PCDHAC1: variants seen among roughly 807,000 people sequenced by gnomAD.
PCDHAC1 encodes the protein protocadherin alpha-C1.
In PCDHAC1, 42 loss-of-function variants were observed where a neutral mutation model predicts 60.0. That is an observed-to-expected ratio of 0.70 (90% CI 0.55 to 0.90). The LOEUF (loss-of-function observed/expected upper bound fraction) is 0.90, where lower values mean the gene tolerates loss of function less well. Among genes scored for constraint, PCDHAC1 ranks in the 40% least tolerant of loss-of-function variants. PCDHAC1 has a pLI of 0.00. For synonymous variants in PCDHAC1, 468 were observed against 499.3 expected, an observed-to-expected ratio of 0.94 and a Z score of 0.84; for missense variants, 1,160 against 1,222.3, an observed-to-expected ratio of 0.95 and a Z score of 0.76.
chr5:140,975,216 G>C (rs1349439819), intron 1 of PCDHAC1, among the ~76,000 whole-genome samples: 1 of 152,198 alleles, frequency 6.6e-6, no homozygotes, highest in Admixed American at 6.5e-5. Flanking sequence ...TGGCACTGGA[G>C]AATCTTCCCT....
chr5:140,969,238 A>G, intron 1 of PCDHAC1: 3 of 1,614,222 alleles, frequency 1.9e-6, no homozygotes, highest in South Asian at 1.1e-5. Flanking sequence ...GAGCCCAAGC[A>G]GCAGTGACTG....
rs2085746479 is a variant in PCDHAC1, at chr5:140,929,033, G to A, written c.2141G>A (p.Cys714Tyr). The change falls in exon 1 of 4, where the codon TGC becomes TAC. Residue 714 changes from cysteine (C) to tyrosine (Y), a missense_variant. Around this residue, in one of 3 missense-constraint regions of PCDHAC1, gnomAD observed 1,113 missense variants for 1,163.7 expected, o/e 0.96. Coordinates refer to ENST00000253807, the MANE Select transcript of PCDHAC1 (RefSeq NM_018898.5). ...CTKLHQSPGC[C>Y]AQSCCRSTED... is the part of the protein sequence containing the mutation. ...AAGTTGCACCAGAGCCCAGGCTGTT[G>A]CGCTCAGAGCTGCTGTCGCTCTACA... The A allele has an allele frequency of 6.2e-7, 1 of 1,614,186 alleles. No individual in the cohort carries two copies. The highest frequency in any genetic ancestry group is 8.5e-7 in the Non-Finnish European group (1 of 1,180,038).
chr5:140,959,107 C>A (rs1330357931), intron 1 of PCDHAC1, among the ~76,000 whole-genome samples: 1 of 151,920 alleles, frequency 6.6e-6, no homozygotes, highest in South Asian at 2.1e-4. Context: ...CAGCAGGGGT[C>A]CGAAGGTGGG....
intron 1 of PCDHAC1, among the ~76,000 whole-genome samples, chr5:140,941,034 G>A (rs1384147296): frequency 6.6e-6 from 1 of 151,968 alleles, no homozygotes; most frequent in Non-Finnish European, 1.5e-5. Context: ...GGCCTTTTTG[G>A]TGCCAAGTCA....
chr5:141,004,697 T>A (rs2098177211), intron 3 of PCDHAC1, among the ~76,000 whole-genome samples: 3 of 152,184 alleles, frequency 2.0e-5, no homozygotes, highest in Admixed American at 2.0e-4. Flanking sequence ...AAACCCAGTT[T>A]TAGGTGCCGA....
chr5:141,005,451 C>G (rs1263058026), intron 3 of PCDHAC1, among the ~76,000 whole-genome samples: 1 of 151,986 alleles, frequency 6.6e-6, no homozygotes, highest in Non-Finnish European at 1.5e-5. Flanking sequence ...CGCCTGTAAT[C>G]CCAGCACTTT....
intron 3 of PCDHAC1, among the ~76,000 whole-genome samples, chr5:140,988,281 A>G (rs2097291171): frequency 2.0e-5 from 3 of 152,202 alleles, no homozygotes; most frequent in Admixed American, 2.0e-4. Context: ...GTCACCTGCC[A>G]TCTGACAGCC....
chr5:140,990,172 TGA>T (rs1341832599), intron 3 of PCDHAC1, among the ~76,000 whole-genome samples: 1 of 152,022 alleles, frequency 6.6e-6, no homozygotes, highest in Non-Finnish European at 1.5e-5. Context: ...TATGAAAAGG[TGA>T]CTTTTAAGAA....
chr5:140,984,168 A>C (rs1181991691), intron 3 of PCDHAC1, among the ~76,000 whole-genome samples: 1 of 152,204 alleles, frequency 6.6e-6, no homozygotes, highest in Non-Finnish European at 1.5e-5. Context: ...TTCCCAAAGA[A>C]GCCACGTGAA....
At position 140,978,952 on chromosome 5, in the gene PCDHAC1, C is replaced by T. The variant is rs374951627; in HGVS notation, c.2437C>T (p.Arg813Ter). Residue 813 changes from arginine (R) to a stop codon, truncating the protein, a stop_gained, in exon 2 of 4, where the codon CGA (arginine) becomes TGA (stop). Coordinates refer to ENST00000253807, the MANE Select transcript of PCDHAC1 (RefSeq NM_018898.5). LOFTEE classifies it high-confidence loss of function. ...GDHANVNAMP[R>*]QPNPDWRYSA... ...AACTCTCTTTGTGATTTTGCAGCCA[C>T]GACAGCCCAACCCTGACTGGCGTTA... is the stretch of plus-strand genomic sequence containing the variant. 5.0e-6 allele frequency: 8 copies of T among 1,614,018 alleles called. No individual in the cohort carries two copies. The highest frequency in any genetic ancestry group is 2.2e-5 in the South Asian group (2 of 91,070).
At chr5:140,931,044 CT>C (rs781930381) in intron 1 of PCDHAC1, among the ~76,000 whole-genome samples, 67 of 152,264 alleles carry the variant, frequency 4.4e-4, no homozygotes, top group South Asian at 2.7e-3. Flanking sequence ...GCAAGAAAAA[CT>C]TCAATGCTGT....
intron 1 of PCDHAC1, among the ~76,000 whole-genome samples, chr5:140,955,497 A>T (rs879951352): frequency 2.0e-5 from 3 of 152,100 alleles, no homozygotes; most frequent in Non-Finnish European, 4.4e-5. Flanking sequence ...CCACCATGTG[A>T]AGAAAGACGT....
chr5:140,947,131 G>A (rs994081159), intron 1 of PCDHAC1, among the ~76,000 whole-genome samples: 10 of 151,080 alleles, frequency 6.6e-5, no homozygotes, highest in African/African-American at 2.2e-4. Context: ...AATAAAAATA[G>A]TAAAATGTAT....
chr5:141,007,084 AAG>A lies in PCDHAC1; in HGVS notation c.2582-2538_2582-2537del, dbSNP rs576927752. On this transcript the variant is annotated intron_variant, in intron 3 of 3. Transcript: ENST00000253807. ...AGGAGAGAGTGAAGAGAAAATAGAG[AAG>A]AGAGTCTAGGGCCAAACCCAAGGAA... Among the ~76,000 whole-genome samples, 32 of 152,274 alleles carry A rather than the reference AAG, an allele frequency of 2.1e-4. No individual in the cohort carries two copies. The East Asian group carries it at 3.3e-3, about 16-fold the overall frequency.
chr5:140,929,522 T>G, intron 1 of PCDHAC1, 197 bp downstream of exon 1: 1 of 727,900 alleles, frequency 1.4e-6, no homozygotes. Context: ...GACTTATAGT[T>G]TATTTTTGAG....
chr5:140,942,511 CAG>C (rs574477918), intron 1 of PCDHAC1, among the ~76,000 whole-genome samples: 21 of 151,458 alleles, frequency 1.4e-4, no homozygotes, highest in Non-Finnish European at 2.8e-4. Flanking sequence ...CTAGGAAACT[CAG>C]AGGGGAAGCA....
chr5:140,975,126 A>G (rs1334807357), intron 1 of PCDHAC1, among the ~76,000 whole-genome samples: 6 of 152,074 alleles, frequency 3.9e-5, no homozygotes, highest in Admixed American at 2.6e-4. Flanking sequence ...CCTACTTACT[A>G]TTGGCCTGGG....
At chr5:140,934,561 TTTAA>T (rs549996624) in intron 1 of PCDHAC1, among the ~76,000 whole-genome samples, 1 of 152,208 alleles carries the variant, frequency 6.6e-6, no homozygotes, top group South Asian at 2.1e-4. Flanking sequence ...TCTTCTTTTT[TTTAA>T]TTAATTGTAA....
At chr5:140,966,749 C>T (rs1554228607) in intron 1 of PCDHAC1, 1 of 1,428,076 alleles carries the variant, frequency 7.0e-7, no homozygotes, top group Middle Eastern at 2.5e-4. Flanking sequence ...CCGGCTGCCT[C>T]CGCCGCGGCC....
Sources: gnomAD v4.1 joint callset for allele counts (sites outside exome capture counted in the v4.1 genomes callset) on GRCh38, gnomAD v4.1.1 for gene constraint, gnomAD v4.1.1 regional missense constraint, MANE v1.5 for transcripts, NCBI Gene and HGNC (gene_info 2026-07-23, HGNC 2026-07-21) for gene names.